MCM9: variants seen among roughly 807,000 people sequenced by gnomAD.
The protein encoded by MCM9 is DNA helicase MCM9.
MCM9 carries 55 observed loss-of-function variants against 72.8 expected under a neutral mutation model. The observed-to-expected ratio is 0.76, with a 90% CI of 0.61 to 0.95. MCM9 has a LOEUF of 0.95. Ranked by LOEUF, MCM9 falls within the 40% of genes least tolerant of loss-of-function variation. The pLI, the probability that MCM9 is intolerant of heterozygous loss-of-function variation, is 0.00. For synonymous variants in MCM9, 480 were observed against 503.4 expected (o/e 0.95, Z 0.62); for missense variants, 1,279 against 1,377.0 (o/e 0.93, Z 1.13).
intron 9 of MCM9, among the ~76,000 whole-genome samples, chr6:118,847,369 C>A (rs1775934161): frequency 6.9e-6 from 1 of 145,480 alleles, no homozygotes; most frequent in African/African-American, 2.6e-5. Context: ...ATGGGCCCTA[C>A]CATTATGTAA....
intron 8 of MCM9, chr6:118,907,843 C>G: frequency 2.3e-6 from 1 of 429,252 alleles, no homozygotes; most frequent in Non-Finnish European, 4.2e-6. Flanking sequence ...TGAAACTAAT[C>G]TGATTAAAGC....
chr6:118,926,740 A>G (rs1424771061), intron 3 of MCM9, among the ~76,000 whole-genome samples: 2 of 152,248 alleles, frequency 1.3e-5, no homozygotes, highest in African/African-American at 4.8e-5. Context: ...AACTACAAAC[A>G]TTTGTATGCA....
At chr6:118,895,984 A>G (rs934255719) in intron 8 of MCM9, among the ~76,000 whole-genome samples, 7 of 151,878 alleles carry the variant, frequency 4.6e-5, no homozygotes, top group Non-Finnish European at 1.0e-4. Flanking sequence ...CTCTGTACTC[A>G]GTGCCTTGCC....
In MCM9 at chr6:118,933,964, C is replaced by CA. The variant is rs58109173; in HGVS notation, c.-150+926dup. ...ATATCTCCACAATGTGGACTTTGCC[C>CA]AAAAAAAAAAAAAAAAAAATCTGGA... is the stretch of plus-strand genomic sequence containing the variant. On this transcript the variant is annotated intron_variant, in intron 1 of 13. Transcript: ENST00000619706. 5.9e-3 allele frequency among the ~76,000 whole-genome samples: 590 copies of CA among 100,320 alleles called. 2 individuals are homozygous for CA. The highest frequency in any genetic ancestry group is 0.015 in the African/African-American group (424 of 28,894). 65.8% of individuals were successfully genotyped at this position (100,320 alleles called of 152,430 possible).
intron 9 of MCM9, among the ~76,000 whole-genome samples, chr6:118,833,823 GT>G (rs934532389): frequency 6.6e-6 from 1 of 152,144 alleles, no homozygotes; most frequent in Non-Finnish European, 1.5e-5. Context: ...TAGAGTTTCA[GT>G]TTGCAAGACG....
intron 9 of MCM9, among the ~76,000 whole-genome samples, chr6:118,852,542 T>A (rs1239612976): frequency 1.3e-5 from 2 of 152,146 alleles, no homozygotes; most frequent in East Asian, 3.9e-4. Context: ...TACATAACCT[T>A]CCAAATGTAG....
intron 8 of MCM9, among the ~76,000 whole-genome samples, chr6:118,883,292 A>G (rs943696100): frequency 1.4e-4 from 21 of 152,082 alleles, no homozygotes; most frequent in Admixed American, 1.3e-4. Context: ...CAATCCAAAG[A>G]ACAGAGGTAA....
rs752815993 is a variant in MCM9, at chr6:118,815,149, T to C, written c.3107A>G (p.Asp1036Gly). 11 of 1,550,402 alleles carry C rather than the reference T, an allele frequency of 7.1e-6. No homozygotes were observed. Among genetic ancestry groups the C allele is most frequent in the Admixed American group, 3.9e-5 (2 of 50,952 alleles). Residue 1036 changes from aspartate to glycine, a missense_variant, in exon 14 of 14, where the codon GAC becomes GGC. Asp to Gly is a moderately conservative substitution (Grantham distance 94). Transcript: ENST00000619706. ...TGCAHLTCEG[D>G]KKEEVSGSNK... Reference sequence around the variant, plus strand: ...ACTGCCTGAAACCTCTTCCTTTTTGTCTCCCTCACAAGTAAGATGAGCACA... The same window carrying C: ...ACTGCCTGAAACCTCTTCCTTTTTGCCTCCCTCACAAGTAAGATGAGCACA...
At chr6:118,926,217 C>T (rs528848912) in intron 3 of MCM9, among the ~76,000 whole-genome samples, 46 of 152,232 alleles carry the variant, frequency 3.0e-4, no homozygotes, top group South Asian at 2.1e-4. Flanking sequence ...ATAAACCCAT[C>T]GTAAATTGAA....
chr6:118,910,764 G>A (rs1780485220), intron 8 of MCM9: 1 of 985,240 alleles, frequency 1.0e-6, no homozygotes, highest in South Asian at 4.7e-5. Flanking sequence ...CTTGTCAATG[G>A]TTAATATACT....
At chr6:118,898,560 G>C (rs756983249) in intron 8 of MCM9, among the ~76,000 whole-genome samples, 1 of 151,948 alleles carries the variant, frequency 6.6e-6, no homozygotes, top group Non-Finnish European at 1.5e-5. Flanking sequence ...GAGTAGCTGG[G>C]ACCACAGGCA....
chr6:118,818,621 G>A (rs1398980968), intron 13 of MCM9, among the ~76,000 whole-genome samples: 1 of 152,094 alleles, frequency 6.6e-6, no homozygotes, highest in Non-Finnish European at 1.5e-5. Flanking sequence ...GCTCTATTTT[G>A]GTTCCATATG....
At position 118,911,331 on chromosome 6, in the gene MCM9, G is replaced by C. The variant is rs1322234497; in HGVS notation, c.1150+319C>G. The C allele has an allele frequency of 4.7e-6, 5 of 1,053,198 alleles. No homozygotes were observed. In the South Asian group the frequency reaches 1.6e-4, roughly 33 times the overall value. 65.2% of individuals were successfully genotyped at this position (1,053,198 alleles called of 1,614,324 possible). A position where few individuals can be genotyped will look rare whatever the true frequency, so the allele number is the denominator to read the frequency against. ...GTAAAGTGAAATATCCCCCTCTTTA[G>C]TTTAACATTCCAGTTGCTGAGTCTT... On this transcript the variant is annotated intron_variant, in intron 8 of 13. Transcript: ENST00000619706.
Position 118,826,066 on chromosome 6 carries a change from C to T in MCM9, c.1961+81G>A, listed in dbSNP as rs1583343265. On this transcript the variant is annotated intron_variant, in intron 13 of 13. Transcript: ENST00000619706. ...AACACCTGATAGATAGATTTTTCCA[C>T]TTAATGCACACTTGCTTTGTTTCAC... The T allele has an allele frequency of 6.2e-6, 9 of 1,450,378 alleles. No individual in the cohort carries two copies. The East Asian group carries it at 9.9e-5, about 16-fold the overall frequency. The allele number at this position is 1,450,378 out of a possible 1,614,324, so 89.8% of individuals were successfully genotyped here. A position where few individuals can be genotyped will look rare whatever the true frequency, so the allele number is the denominator to read the frequency against.
chr6:118,850,200 T>C (rs1046684067), intron 9 of MCM9, among the ~76,000 whole-genome samples: 7 of 151,906 alleles, frequency 4.6e-5, no homozygotes, highest in Non-Finnish European at 8.8e-5. Flanking sequence ...TTTAACAACA[T>C]ATAACCTCAG....
chr6:118,816,174 T>A lies in MCM9; in HGVS notation c.2082A>T (p.Glu694Asp). The part of the protein sequence containing the change: ...ESNFRTSSQQ[E>D]INYSTHIFSP... ...AGAAGATATGTGTGCTATAGTTGAT[T>A]TCCTGCTGTGATGAAGTTCTGAAGT... is the stretch of plus-strand genomic sequence containing the variant. The change falls in exon 14 of 14, where the codon GAA (glutamate) becomes GAT (aspartate). Residue 694 changes from glutamate to aspartate, a missense_variant. Physicochemically the swap from Glu to Asp is conservative, Grantham distance 45. Coordinates refer to ENST00000619706, the MANE Select transcript of MCM9 (RefSeq NM_017696.3). The A allele has an allele frequency of 6.4e-7, 1 of 1,550,530 alleles. No homozygotes were observed. Among genetic ancestry groups the A allele is most frequent in the Non-Finnish European group, 8.7e-7 (1 of 1,146,950 alleles).
chr6:118,922,384 A>G (rs1319760041), intron 4 of MCM9, among the ~76,000 whole-genome samples: 1 of 152,234 alleles, frequency 6.6e-6, no homozygotes, highest in Non-Finnish European at 1.5e-5. Flanking sequence ...AACTTTATCT[A>G]GAAAAGAGGG....
chr6:118,918,507 C>A (rs1229650173), intron 5 of MCM9: 1 of 152,196 alleles, frequency 6.6e-6, no homozygotes, highest in Non-Finnish European at 1.5e-5. Flanking sequence ...TAGGCACACT[C>A]GCCAAACACT....
At chr6:118,906,736 A>C (rs1583622683) in intron 8 of MCM9, among the ~76,000 whole-genome samples, 1 of 152,320 alleles carries the variant, frequency 6.6e-6, no homozygotes, top group East Asian at 1.9e-4. Context: ...CTGATTTTTC[A>C]CTGGGAACTA....
Sources: allele counts gnomAD v4.1 joint callset (sites outside exome capture counted in the v4.1 genomes callset), GRCh38; gene constraint gnomAD v4.1.1; transcripts MANE v1.5; gene names NCBI Gene and HGNC (gene_info 2026-07-23, HGNC 2026-07-21).